PLXNA4: variants seen among roughly 807,000 people sequenced by gnomAD.
PLXNA4 encodes plexin A4.
A neutral mutation model predicts 191.8 loss-of-function variants in PLXNA4; 44 were observed. The ratio of observed to expected loss-of-function variants is 0.23; its 90% CI spans 0.18 to 0.29. The LOEUF is 0.29. Ranked by LOEUF, PLXNA4 falls within the 10% of genes least tolerant of loss-of-function variation. The pLI is 1.00. For synonymous variants in PLXNA4, 1,082 were observed against 1,009.5 expected, an observed-to-expected ratio of 1.07 and a Z score of -1.36; for missense variants, 1,800 against 2,488.8, an observed-to-expected ratio of 0.72 and a Z score of 5.89.
chr7:132,300,322 A>G (rs1484584942), intron 3 of PLXNA4, among the ~76,000 whole-genome samples: 1 of 152,104 alleles, frequency 6.6e-6, no homozygotes, highest in Non-Finnish European at 1.5e-5. Flanking sequence ...TGGCCACCTA[A>G]AGGCAGGGAG....
rs954023832 is a variant in PLXNA4, at chr7:132,211,261, G to A, written c.2098-118C>T. ...CCCTTCCATGGACACACCCACAGGC[G>A]ACCCCTGAGGTGCTCGTGCCCACCC... On this transcript the variant is annotated intron_variant, in intron 9 of 31. Transcript: ENST00000321063. 8.4e-6 allele frequency: 9 copies of A among 1,066,518 alleles called. No individual in the cohort carries two copies. The Admixed American group carries it at 9.5e-5, about 11-fold the overall frequency. 66.1% of individuals were successfully genotyped at this position (1,066,518 alleles called of 1,614,324 possible). A position where few individuals can be genotyped will look rare whatever the true frequency, so the allele number is the denominator to read the frequency against.
At chr7:132,552,415 TG>T (rs1387939948) in intron 1 of PLXNA4, among the ~76,000 whole-genome samples, 1 of 152,196 alleles carries the variant, frequency 6.6e-6, no homozygotes, top group African/African-American at 2.4e-5. Context: ...TCAAAAATTC[TG>T]GTTCACAAGC....
chr7:132,577,222 T>TGCAGGGG (rs1482409540), upstream of PLXNA4: 1 of 149,718 alleles, frequency 6.7e-6, no homozygotes, highest in Non-Finnish European at 1.5e-5. Flanking sequence ...TCGCAAAGTT[T>TGCAGGGG]GCAGGGGGCA....
intron 1 of PLXNA4, among the ~76,000 whole-genome samples, chr7:132,546,803 A>T (rs889603193): frequency 6.6e-6 from 1 of 152,176 alleles, no homozygotes; most frequent in African/African-American, 2.4e-5. Context: ...TTCTGGTTAC[A>T]TCAGTCTGGA....
intron 1 of PLXNA4, among the ~76,000 whole-genome samples, chr7:132,560,971 C>T (rs1165431399): frequency 6.6e-6 from 1 of 152,096 alleles, no homozygotes; most frequent in African/African-American, 2.4e-5. Context: ...CTCCACGTGG[C>T]CCCCGCTGAA....
At position 132,520,761 on chromosome 7, in the gene PLXNA4, C is replaced by T. The variant is rs1303513459; in HGVS notation, c.-86-11982G>A. ...CCTCCACTCCTAAAAGCCTGACCACCCCCACCAGCCCCTGTCACAGCTGCC... is the reference window on the plus strand; with the variant it reads ...CCTCCACTCCTAAAAGCCTGACCACTCCCACCAGCCCCTGTCACAGCTGCC... On this transcript the variant is annotated intron_variant, in intron 1 of 31. Coordinates refer to ENST00000321063, the MANE Select transcript of PLXNA4 (RefSeq NM_020911.2). Among the ~76,000 whole-genome samples, 3 of 152,126 alleles carry T rather than the reference C, an allele frequency of 2.0e-5. No individual in the cohort carries two copies. In the East Asian group the frequency reaches 5.8e-4, roughly 29 times the overall value.
rs1295658602 is a variant in PLXNA4 at position 132,226,244 on chromosome 7, T to G, written c.1899A>C (p.Val633=). The G allele has an allele frequency of 6.2e-7, 1 of 1,613,406 alleles. No individual in the cohort carries two copies. Among genetic ancestry groups the G allele is most frequent in the African/African-American group, 1.3e-5 (1 of 74,924 alleles). ...IITENGDHHV[V]QLQLKSKETG... Reference sequence around the variant, plus strand: ...TCTCCTTTGATTTGAGCTGAAGCTGTACGACATGGTGGTCCCCTACAAGGA... The same window carrying G: ...TCTCCTTTGATTTGAGCTGAAGCTGGACGACATGGTGGTCCCCTACAAGGA... Residue 633 remains valine, a synonymous_variant, in exon 8 of 32, where the codon GTA becomes GTC. Coordinates refer to ENST00000321063, the MANE Select transcript of PLXNA4 (RefSeq NM_020911.2).
At chr7:132,279,257 C>T (rs943405871) in intron 4 of PLXNA4, among the ~76,000 whole-genome samples, 2 of 152,162 alleles carry the variant, frequency 1.3e-5, no homozygotes, top group African/African-American at 4.8e-5. Context: ...TAGAGGACTT[C>T]CATCACTTGG....
At chr7:132,176,239 C>T (rs1796451147) in intron 20 of PLXNA4, among the ~76,000 whole-genome samples, 2 of 152,224 alleles carry the variant, frequency 1.3e-5, no homozygotes, top group Non-Finnish European at 2.9e-5. Context: ...CTGCTCCTCT[C>T]TCCCTGCACC....
chr7:132,376,371 T>C lies in PLXNA4; in HGVS notation c.1372-78149A>G, dbSNP rs114361182. 9.5e-3 allele frequency among the ~76,000 whole-genome samples: 1,450 copies of C among 152,284 alleles called. 23 individuals are homozygous for C. Among genetic ancestry groups the C allele is most frequent in the African/African-American group, 0.033 (1,369 of 41,578 alleles). On this transcript the variant is annotated intron_variant, in intron 3 of 31. Coordinates refer to ENST00000321063, the MANE Select transcript of PLXNA4 (RefSeq NM_020911.2). ...GCTGCTGCTCCATGGAGGAGCAGGA[T>C]GCTGGGGTTCCTGTGCCCACTGCAT...
At position 132,627,281 on chromosome 7, in the gene PLXNA4, T is replaced by A. The variant is rs142074530; in HGVS notation, c.-87+18647A>T. 2.9e-3 allele frequency among the ~76,000 whole-genome samples: 443 copies of A among 152,310 alleles called. 5 individuals carry two copies. Among genetic ancestry groups the A allele is most frequent in the Non-Finnish European group, 2.8e-4 (19 of 68,028 alleles). On this transcript the variant is annotated intron_variant, in intron 2 of 4. Coordinates refer to the PLXNA4 transcript ENST00000378539. ...TTTTCAGTTTTAGATACCTGTCAAC[T>A]TCCTATTATGAAAGATGAAGGTTTA... is the stretch of plus-strand genomic sequence containing the variant.
intron 2 of PLXNA4, among the ~76,000 whole-genome samples, chr7:132,587,848 C>T (rs1315348452): frequency 6.6e-6 from 1 of 151,860 alleles, no homozygotes; most frequent in African/African-American, 2.4e-5. Context: ...AATTCATCCT[C>T]CATGTTCCAT....
intron 2 of PLXNA4, among the ~76,000 whole-genome samples, chr7:132,637,934 C>G (rs112919054): frequency 4.7e-4 from 71 of 152,318 alleles, no homozygotes; most frequent in Middle Eastern, 3.4e-3. Flanking sequence ...GGTTCCAACT[C>G]CTAAATCCAA....
intron 2 of PLXNA4, among the ~76,000 whole-genome samples, chr7:132,602,974 T>C (rs1176334037): frequency 1.3e-5 from 2 of 152,062 alleles, no homozygotes; most frequent in African/African-American, 4.8e-5. Flanking sequence ...ACCAAAACTT[T>C]CCATTAAGTA....
At chr7:132,380,674 G>A (rs76426562) in intron 3 of PLXNA4, among the ~76,000 whole-genome samples, 2,073 of 152,270 alleles carry the variant, frequency 0.014, 45 homozygotes, top group African/African-American at 0.047. Context: ...AGGGCCTCAC[G>A]GGAGTGAGTT....
intron 4 of PLXNA4, among the ~76,000 whole-genome samples, chr7:132,246,074 G>A (rs1407331316): frequency 1.3e-5 from 2 of 152,182 alleles, no homozygotes; most frequent in African/African-American, 2.4e-5. Flanking sequence ...AATTAACACT[G>A]TGAATTTTTT....
chr7:132,581,874 C>T (rs1293818906), upstream of PLXNA4, among the ~76,000 whole-genome samples: 2 of 152,172 alleles, frequency 1.3e-5, no homozygotes, highest in Non-Finnish European at 2.9e-5. Flanking sequence ...TCTCTTTCAA[C>T]TAACAAAAAC....
intron 3 of PLXNA4, among the ~76,000 whole-genome samples, chr7:132,338,853 T>TC (rs1312116320): frequency 1.3e-5 from 2 of 152,206 alleles, no homozygotes; most frequent in African/African-American, 4.8e-5. Flanking sequence ...GGAAAATGGT[T>TC]CTTGTCTTCT....
Position 132,189,020 on chromosome 7 carries a change from G to A in PLXNA4, c.2857-1413C>T, listed in dbSNP as rs370410495. ...AGAGAGAGAGAGAGAGAGAGAGAGAGAGAGAGAGAAAGAGAGAGAGAGAGA... is the reference window on the plus strand; with the variant it reads ...AGAGAGAGAGAGAGAGAGAGAGAGAAAGAGAGAGAAAGAGAGAGAGAGAGA... On this transcript the variant is annotated intron_variant, in intron 14 of 31. Coordinates refer to ENST00000321063, the MANE Select transcript of PLXNA4 (RefSeq NM_020911.2). Among the ~76,000 whole-genome samples, 204 of 77,468 alleles carry A rather than the reference G, an allele frequency of 2.6e-3. 2 individuals carry two copies. The highest frequency in any genetic ancestry group is 8.3e-3 in the African/African-American group (154 of 18,592). The allele number at this position is 77,468 out of a possible 152,430, so 50.8% of individuals were successfully genotyped here.
Sources: allele counts gnomAD v4.1 joint callset (sites outside exome capture counted in the v4.1 genomes callset), GRCh38; gene constraint gnomAD v4.1.1; transcripts MANE v1.5; gene names NCBI Gene and HGNC (gene_info 2026-07-23, HGNC 2026-07-21).